The following ASB4 variants were observed in gnomAD, a reference collection of about 807,000 sequenced individuals.
ASB4 encodes the protein ankyrin repeat and SOCS box containing 4.
A neutral mutation model predicts 38.6 loss-of-function variants in ASB4; 35 were observed. The ratio of observed to expected loss-of-function variants is 0.91; its 90% CI spans 0.69 to 1.20. ASB4 has a LOEUF of 1.20. ASB4 is among the 50% of genes most tolerant of loss of function. The pLI is 0.00. For missense variants in ASB4, 557 were observed against 527.2 expected, an observed-to-expected ratio of 1.06 and a Z score of -0.55; for synonymous variants, 195 against 201.3, an observed-to-expected ratio of 0.97 and a Z score of 0.26.
intron 3 of ASB4, among the ~76,000 whole-genome samples, chr7:95,532,296 G>A (rs1042659079): frequency 6.6e-6 from 1 of 152,176 alleles, no homozygotes; most frequent in Admixed American, 6.5e-5. Context: ...AAGCCAATTT[G>A]TAGAGGGTGT....
At chr7:95,536,055 T>G (rs1220084975) in intron 3 of ASB4, among the ~76,000 whole-genome samples, 1 of 152,228 alleles carries the variant, frequency 6.6e-6, no homozygotes, top group Non-Finnish European at 1.5e-5. Flanking sequence ...TCTCATCTTC[T>G]TTGTTAGTGC....
intron 2 of ASB4, among the ~76,000 whole-genome samples, chr7:95,512,035 GCTT>G (rs767554812): frequency 3.3e-5 from 5 of 152,174 alleles, no homozygotes; most frequent in South Asian, 2.1e-4. Flanking sequence ...CACTCCCTCA[GCTT>G]CTTCTATAAC....
At chr7:95,536,674 A>T in intron 4 of ASB4, 124 bp downstream of exon 4, 1 of 581,812 alleles carries the variant, frequency 1.7e-6, no homozygotes, top group South Asian at 2.1e-5. Context: ...CTCAAATGCA[A>T]TGAGACAAAG....
At chr7:95,518,335 T>C (rs957395705) in intron 2 of ASB4, among the ~76,000 whole-genome samples, 1 of 152,224 alleles carries the variant, frequency 6.6e-6, no homozygotes, top group Admixed American at 6.5e-5. Context: ...TTTAAAGTCT[T>C]CTTCTCCCCA....
At chr7:95,477,603 A>G (rs1205425709), upstream of ASB4, among the ~76,000 whole-genome samples, 1 of 152,210 alleles carries the variant, frequency 6.6e-6, no homozygotes, top group African/African-American at 2.4e-5. Context: ...AAACTAAAGT[A>G]TGAAGCTTGA....
the ASB4 span, among the ~76,000 whole-genome samples, chr7:95,546,541 T>G: frequency 7.2e-5 from 11 of 152,326 alleles, no homozygotes; most frequent in East Asian, 1.2e-3. Context: ...AAGTGGGGTG[T>G]GTTATTTTTT....
chr7:95,483,311 G>C (rs1468689414), upstream of ASB4, among the ~76,000 whole-genome samples: 1 of 152,178 alleles, frequency 6.6e-6, no homozygotes, highest in African/African-American at 2.4e-5. Flanking sequence ...TATGACAAAA[G>C]TCTCTTCTAG....
At chr7:95,513,966 A>G (rs1305671473) in intron 2 of ASB4, among the ~76,000 whole-genome samples, 1 of 152,072 alleles carries the variant, frequency 6.6e-6, no homozygotes, top group African/African-American at 2.4e-5. Flanking sequence ...ACCAGTCCAA[A>G]ATCACCCTCA....
At chr7:95,528,701 T>C (rs1790780470) in intron 3 of ASB4, 3 of 1,071,660 alleles carry the variant, frequency 2.8e-6, no homozygotes, top group African/African-American at 3.3e-5. Flanking sequence ...CTTGTAGCCA[T>C]GAAAGGGCCA....
At position 95,506,301 on chromosome 7, in the gene ASB4, A is replaced by G. The variant is rs185380583; in HGVS notation, c.487+10244A>G. On this transcript the variant is annotated intron_variant, in intron 2 of 4. Transcript: ENST00000325885. ...TTCTGGAGTCTTCAGACCTGCTCCA[A>G]TGAGTTTCAGGTTGATGTGCATCTG... Among the ~76,000 whole-genome samples the G allele has an allele frequency of 1.1e-4, 16 of 152,292 alleles. No homozygotes were observed. The East Asian group carries it at 2.3e-3, about 22-fold the overall frequency.
At chr7:95,542,110 C>T (rs967752343), downstream of ASB4, 7 of 151,416 alleles carry the variant, frequency 4.6e-5, no homozygotes, top group African/African-American at 1.2e-4. Context: ...AAACTTTATT[C>T]GGTATTACTA....
In ASB4 at chr7:95,514,197, A is replaced by T. The variant is rs146786435; in HGVS notation, c.488-13616A>T. Among the ~76,000 whole-genome samples the T allele has an allele frequency of 5.9e-4, 90 of 152,138 alleles. 1 individual carries two copies. In the East Asian group the frequency reaches 0.011, roughly 18 times the overall value. ...AGGTCTCTCACCCTCTCTTAACGTC[A>T]TTTCTTTCTCTACTCAGTCTGGGCT... On this transcript the variant is annotated intron_variant, in intron 2 of 4. Transcript: ENST00000325885.
At chr7:95,503,884 T>C (rs1790373543) in intron 2 of ASB4, among the ~76,000 whole-genome samples, 1 of 152,158 alleles carries the variant, frequency 6.6e-6, no homozygotes, top group Admixed American at 6.5e-5. Context: ...TTAAAGGATT[T>C]TCCCCTATTT....
chr7:95,522,434 T>G (rs1324571399), intron 2 of ASB4, among the ~76,000 whole-genome samples: 2 of 152,202 alleles, frequency 1.3e-5, no homozygotes, highest in Non-Finnish European at 2.9e-5. Context: ...AGGATAATCT[T>G]TCCTAAATAT....
chr7:95,480,129 G>A (rs1158018541), intron 1 of ASB4, among the ~76,000 whole-genome samples: 1 of 152,182 alleles, frequency 6.6e-6, no homozygotes, highest in Non-Finnish European at 1.5e-5. Flanking sequence ...GTCCACAGGA[G>A]CACACCTTGT....
chr7:95,496,080 C>T (rs777589865), intron 2 of ASB4, 23 bp downstream of exon 2: 2 of 1,597,686 alleles, frequency 1.3e-6, no homozygotes, highest in Non-Finnish European at 1.7e-6. Context: ...GGGTGGCCAA[C>T]ATTGTTGTCT....
chr7:95,515,301 CTTTCTTT>C (rs1562817276), intron 2 of ASB4, among the ~76,000 whole-genome samples: 86 of 122,350 alleles, frequency 7.0e-4, no homozygotes, highest in Admixed American at 1.1e-3. Flanking sequence ...TTCTTTCTTT[CTTTCTTT>C]CTTTCTTTCT....
chr7:95,472,782 A>C, the ASB4 span, among the ~76,000 whole-genome samples: 328 of 152,162 alleles, frequency 2.2e-3, no homozygotes, highest in Non-Finnish European at 4.0e-3. Flanking sequence ...CCCAAGGAGC[A>C]CTCCTCAGGA....
At chr7:95,505,693 C>A (rs528265318) in intron 2 of ASB4, among the ~76,000 whole-genome samples, 2 of 143,384 alleles carry the variant, frequency 1.4e-5, no homozygotes, top group African/African-American at 5.1e-5. Flanking sequence ...GTGTCCCCCC[C>A]CCCCCAAATA....
Sources: allele counts gnomAD v4.1 joint callset (sites outside exome capture counted in the v4.1 genomes callset), GRCh38; gene constraint gnomAD v4.1.1; transcripts MANE v1.5; gene names NCBI Gene and HGNC (gene_info 2026-07-23, HGNC 2026-07-21).